KCNN2: variants seen among roughly 807,000 people sequenced by gnomAD.
KCNN2 encodes small conductance calcium-activated potassium channel protein 2.
In KCNN2, 24 loss-of-function variants were observed where a neutral mutation model predicts 55.5. The ratio of observed to expected loss-of-function variants is 0.43; its 90% CI spans 0.31 to 0.61. The LOEUF (loss-of-function observed/expected upper bound fraction) is 0.61. Among genes scored for constraint, KCNN2 ranks in the 20% least tolerant of loss-of-function variants. The pLI is 0.08. For missense variants in KCNN2, 754 were observed against 853.6 expected, an observed-to-expected ratio of 0.88 and a Z score of 1.45; for synonymous variants, 431 against 336.1, an observed-to-expected ratio of 1.28 and a Z score of -3.09.
intron 3 of KCNN2, among the ~76,000 whole-genome samples, chr5:114,432,678 A>G (rs338665): frequency 0.81 from 123,200 of 152,122 alleles, 51,178 homozygotes; most frequent in East Asian, 0.97. Context: ...AGGGAGGTGT[A>G]GAGGGAGAGG....
chr5:114,189,475 T>A (rs1436205217), intron 1 of KCNN2, among the ~76,000 whole-genome samples: 3 of 152,194 alleles, frequency 2.0e-5, no homozygotes, highest in Non-Finnish European at 2.9e-5. Flanking sequence ...TAAATGTTGA[T>A]CTTGTCCAAA....
intron 2 of KCNN2, among the ~76,000 whole-genome samples, chr5:114,252,935 G>T (rs914446696): frequency 6.6e-6 from 1 of 152,054 alleles, no homozygotes; most frequent in African/African-American, 2.4e-5. Flanking sequence ...TCAACAAGCA[G>T]CTTTGCTGTC....
At chr5:114,213,539 G>T (rs1299727394) in intron 1 of KCNN2, among the ~76,000 whole-genome samples, 1 of 151,332 alleles carries the variant, frequency 6.6e-6, no homozygotes, top group Non-Finnish European at 1.5e-5. Context: ...ATGTCTTTAT[G>T]TTACCCTCAC....
In KCNN2 at chr5:114,193,860, A is replaced by C. The variant is rs2112565432; in HGVS notation, c.-270-27620A>C. Among the ~76,000 whole-genome samples, 2 of 152,290 alleles carry C rather than the reference A, an allele frequency of 1.3e-5. 1 individual carries two copies. Among genetic ancestry groups the C allele is most frequent in the South Asian group, 4.1e-4 (2 of 4,826 alleles). The stretch of plus-strand genomic sequence containing the variant: ...GTGTGTGTTTTTATTTTCTTTTAAA[A>C]ATTTTAAACAGCTCTATTGAGATAT... On this transcript the variant is annotated intron_variant, in intron 1 of 10. Coordinates refer to the KCNN2 transcript ENST00000512097.
intron 1 of KCNN2, among the ~76,000 whole-genome samples, chr5:114,150,819 C>G (rs1752505596): frequency 6.6e-6 from 1 of 152,156 alleles, no homozygotes. Context: ...GTTGGGAGTT[C>G]AAGACCAGCC....
At position 114,323,486 on chromosome 5, in the gene KCNN2, G is replaced by T. The variant is rs1756652561; in HGVS notation, c.-184-37459G>T. On this transcript the variant is annotated intron_variant, in intron 2 of 10. Transcript: ENST00000512097. ...CTTTAAAGATAATAAAACTAAAAAAGTAATGAGAAAAATGTTTATTTTTTC... is the reference window on the plus strand; with the variant it reads ...CTTTAAAGATAATAAAACTAAAAAATTAATGAGAAAAATGTTTATTTTTTC... Among the ~76,000 whole-genome samples the T allele has an allele frequency of 3.3e-5, 5 of 151,922 alleles. 1 individual carries two copies. Among genetic ancestry groups the T allele is most frequent in the Admixed American group, 3.3e-4 (5 of 15,248 alleles).
chr5:114,475,736 A>T (rs1006665314), intron 5 of KCNN2, among the ~76,000 whole-genome samples: 3 of 152,046 alleles, frequency 2.0e-5, no homozygotes, highest in African/African-American at 7.2e-5. Context: ...GGTCCCCTAA[A>T]GTCCGGTCAG....
chr5:114,363,941 C>A lies in KCNN2; in HGVS notation c.1158C>A (p.Ile386=), dbSNP rs750693807. 2 of 1,613,934 alleles carry A rather than the reference C, an allele frequency of 1.2e-6. No individual in the cohort carries two copies. Among genetic ancestry groups the A allele is most frequent in the Non-Finnish European group, 8.5e-7 (1 of 1,179,936 alleles). The change falls in exon 2 of 8, where the codon ATC becomes ATA. Residue 386 remains isoleucine (I), a synonymous_variant. Coordinates refer to ENST00000673685, the MANE Select transcript of KCNN2 (RefSeq NM_021614.4). ...ATTCCTTAGCTCTGAAATGCCTTATCAGTCTCTCCACGATCATCCTGCTCG... is the reference window on the plus strand; with the variant it reads ...ATTCCTTAGCTCTGAAATGCCTTATAAGTCTCTCCACGATCATCCTGCTCG... ...SLYSLALKCL[I]SLSTIILLGL... is the part of the protein sequence containing the mutation.
chr5:114,075,512 A>G (rs572228685), intron 1 of KCNN2, among the ~76,000 whole-genome samples: 1 of 152,276 alleles, frequency 6.6e-6, no homozygotes, highest in South Asian at 2.1e-4. Flanking sequence ...AATTCACCTT[A>G]TTTACTTGGC....
At chr5:114,323,649 A>ATTTTTTTTTTTTTTTTTTGTTTTTTT (rs1756657411) in intron 2 of KCNN2, among the ~76,000 whole-genome samples, 1 of 85,318 alleles carries the variant, frequency 1.2e-5, no homozygotes, top group Non-Finnish European at 2.3e-5. Context: ...AAACATATCA[A>ATTTTTTTTTTTTTTTTTTGTTTTTTT]TTTTTTTTTT....
At chr5:114,123,489 C>A (rs140965715) in intron 1 of KCNN2, among the ~76,000 whole-genome samples, 10 of 114,704 alleles carry the variant, frequency 8.7e-5, no homozygotes, top group South Asian at 7.6e-4. Flanking sequence ...CAGCCTCCCG[C>A]GTAGCTGGGA....
At chr5:114,483,946 G>A (rs539774887) in intron 5 of KCNN2, among the ~76,000 whole-genome samples, 1 of 152,022 alleles carries the variant, frequency 6.6e-6, no homozygotes, top group Non-Finnish European at 1.5e-5. Flanking sequence ...TCAGTACGTA[G>A]GTTGAATTTG....
At chr5:114,444,417 G>A (rs1760327024) in intron 3 of KCNN2, among the ~76,000 whole-genome samples, 1 of 152,082 alleles carries the variant, frequency 6.6e-6, no homozygotes, top group Non-Finnish European at 1.5e-5. Context: ...CAGCATATGA[G>A]AATCCTGGAG....
chr5:114,241,146 A>T (rs34087644), intron 2 of KCNN2, among the ~76,000 whole-genome samples: 26 of 152,016 alleles, frequency 1.7e-4, no homozygotes, highest in African/African-American at 6.0e-4. Flanking sequence ...ATGAAATATA[A>T]CAAACATATT....
At chr5:114,199,030 A>T (rs940202524) in intron 1 of KCNN2, among the ~76,000 whole-genome samples, 14 of 152,052 alleles carry the variant, frequency 9.2e-5, no homozygotes, top group Non-Finnish European at 1.6e-4. Flanking sequence ...GTGGGGTATT[A>T]AAGTCCCCTA....
chr5:114,194,969 C>T (rs1403868277), intron 1 of KCNN2, among the ~76,000 whole-genome samples: 1 of 150,188 alleles, frequency 6.7e-6, no homozygotes, highest in African/African-American at 2.4e-5. Flanking sequence ...ATTCAATTGT[C>T]TTGGCACCAT....
intron 3 of KCNN2, among the ~76,000 whole-genome samples, chr5:114,415,083 C>G (rs1330760444): frequency 6.6e-6 from 1 of 152,146 alleles, no homozygotes; most frequent in Non-Finnish European, 1.5e-5. Flanking sequence ...AATATATAGT[C>G]TTTTACATCC....
At chr5:114,286,862 T>C (rs1304134477) in intron 2 of KCNN2, among the ~76,000 whole-genome samples, 1 of 152,216 alleles carries the variant, frequency 6.6e-6, no homozygotes, top group African/African-American at 2.4e-5. Flanking sequence ...AATGGTTAAT[T>C]TGAACTGCCT....
chr5:114,165,695 G>C (rs775886707), intron 1 of KCNN2, among the ~76,000 whole-genome samples: 9 of 151,996 alleles, frequency 5.9e-5, no homozygotes, highest in Non-Finnish European at 1.2e-4. Flanking sequence ...TTTTGGAAAA[G>C]TTATGATTTT....
Sources: gnomAD v4.1 joint callset for allele counts (sites outside exome capture counted in the v4.1 genomes callset) on GRCh38, gnomAD v4.1.1 for gene constraint, MANE v1.5 for transcripts, NCBI Gene and HGNC (gene_info 2026-07-23, HGNC 2026-07-21) for gene names.